Variants in KLF4 observed in about 807,000 individuals in gnomAD.
The protein encoded by KLF4 is Krueppel-like factor 4.
In KLF4, 14 loss-of-function variants were observed where a neutral mutation model predicts 38.0. The ratio of observed to expected loss-of-function variants is 0.37; its 90% CI spans 0.24 to 0.58. KLF4 has a LOEUF of 0.58. Ranked by LOEUF, KLF4 falls within the 20% of genes least tolerant of loss-of-function variation. KLF4 has a pLI of 0.76. For synonymous variants in KLF4, 398 were observed against 302.5 expected (o/e 1.32, Z -3.28); for missense variants, 737 against 670.1 (o/e 1.10, Z -1.10).
In KLF4 at chr9:107,489,458, T is replaced by G; in HGVS notation, c.-286A>C. On this transcript the variant is annotated 5_prime_UTR_variant, in exon 1 of 5. Transcript: ENST00000374672. ...TCCACTCAGCAGCGTCCCCCACCACTGTCGCGGTCGCCTCGAGTGCTGCCG... is the reference window on the plus strand; with the variant it reads ...TCCACTCAGCAGCGTCCCCCACCACGGTCGCGGTCGCCTCGAGTGCTGCCG... 2.9e-6 allele frequency: 1 copy of G among 340,436 alleles called. No homozygotes were observed. Among genetic ancestry groups the G allele is most frequent in the East Asian group, 4.5e-5 (1 of 22,324 alleles). The allele number at this position is 340,436 out of a possible 1,614,324, so 21.1% of individuals were successfully genotyped here. A position where few individuals can be genotyped will look rare whatever the true frequency, so the allele number is the denominator to read the frequency against.
In KLF4 at chr9:107,488,741, G is replaced by C. The variant is rs1216928364; in HGVS notation, c.126+189C>G. Among the ~76,000 whole-genome samples the C allele has an allele frequency of 1.3e-5, 2 of 152,218 alleles. No homozygotes were observed. Among genetic ancestry groups the C allele is most frequent in the African/African-American group, 4.8e-5 (2 of 41,466 alleles). ...GGCTTGCGCCCCAGGCGGCTCCGCAGTGCTCGCACCACGGGCATACACAGC... is the reference window on the plus strand; with the variant it reads ...GGCTTGCGCCCCAGGCGGCTCCGCACTGCTCGCACCACGGGCATACACAGC... On this transcript the variant is annotated intron_variant, in intron 2 of 4. Transcript: ENST00000374672. The surrounding 1 kb of genome is among the most constrained non-coding windows in gnomAD (Gnocchi z 5.7).
At chr9:107,486,769 A>G (rs183319264) in intron 4 of KLF4, among the ~76,000 whole-genome samples, 1 of 152,108 alleles carries the variant, frequency 6.6e-6, no homozygotes, top group Non-Finnish European at 1.5e-5. Flanking sequence ...AAAATTGCAC[A>G]TTCAAACACA....
chr9:107,486,566 A>C (rs971008397), intron 4 of KLF4, among the ~76,000 whole-genome samples: 1 of 151,910 alleles, frequency 6.6e-6, no homozygotes, highest in Non-Finnish European at 1.5e-5. Context: ...ATAAAAAAGT[A>C]AGACCGAATT....
Position 107,487,086 on chromosome 9 carries a change from G to C in KLF4, c.1206C>G (p.Gly402=), listed in dbSNP as rs754863078. ...RTATHTCDYA[G]CGKTYTKSSH... is the part of the protein sequence containing the mutation. ...AACTCTTTGTGTAGGTTTTGCCGCA[G>C]CCCGCGTAATCACAAGTGTGGGTGG... The change falls in exon 4 of 5, where the codon GGC becomes GGG. Residue 402 remains glycine, a synonymous_variant. Transcript: ENST00000374672. This position sits in a 1 kb window ranked among gnomAD's most constrained non-coding sequence, Gnocchi z 6.1. 119 of 1,614,110 alleles carry C rather than the reference G, an allele frequency of 7.4e-5. No individual in the cohort carries two copies. Among genetic ancestry groups the C allele is most frequent in the Non-Finnish European group, 9.7e-5 (115 of 1,180,054 alleles).
Position 107,485,962 on chromosome 9 carries a change from T to C in KLF4, c.1265-36A>G. 1.9e-6 allele frequency: 3 copies of C among 1,586,374 alleles called. No individual in the cohort carries two copies. The highest frequency in any genetic ancestry group is 2.6e-6 in the Non-Finnish European group (3 of 1,168,182). On this transcript the variant is annotated intron_variant, in intron 4 of 4. Coordinates refer to ENST00000374672, the MANE Select transcript of KLF4 (RefSeq NM_004235.6). The surrounding 1 kb of genome is among the most constrained non-coding windows in gnomAD (Gnocchi z 4.9). ...AAAAGAAAAAAAAAATTGACGCTAT[T>C]GCTATATCAAAGAATCGCCCCTTTT...
rs1280573011 is a variant in KLF4, at chr9:107,489,239, CG to C, written c.-68del. The C allele has an allele frequency of 7.0e-7, 1 of 1,433,066 alleles. No homozygotes were observed. Among genetic ancestry groups the C allele is most frequent in the Non-Finnish European group, 9.2e-7 (1 of 1,090,104 alleles). The allele number at this position is 1,433,066 out of a possible 1,614,324, so 88.8% of individuals were successfully genotyped here. On this transcript the variant is annotated 5_prime_UTR_variant, in exon 1 of 5. Coordinates refer to ENST00000374672, the MANE Select transcript of KLF4 (RefSeq NM_004235.6). The stretch of plus-strand genomic sequence containing the variant: ...TGGGGCACCTGAACCCCAAAGTCAA[CG>C]AAGAGAAGAAACGAAGCCAAAACCC...
rs1257998100 is a variant in KLF4, at chr9:107,488,450, G to A, written c.127-183C>T. Reference sequence around the variant, plus strand: ...CGGCCCACTCCCGGGTCGAAGAAGAGGTGATGCGTCTGTATTGCGGGTGTT... The same window carrying A: ...CGGCCCACTCCCGGGTCGAAGAAGAAGTGATGCGTCTGTATTGCGGGTGTT... On this transcript the variant is annotated intron_variant, in intron 2 of 4. Transcript: ENST00000374672. The surrounding 1 kb of genome is among the most constrained non-coding windows in gnomAD (Gnocchi z 5.7). 3.8e-5 allele frequency: 41 copies of A among 1,075,784 alleles called. No homozygotes were observed. Among genetic ancestry groups the A allele is most frequent in the Non-Finnish European group, 4.5e-5 (35 of 772,866 alleles). 66.6% of individuals were successfully genotyped at this position (1,075,784 alleles called of 1,614,324 possible).
chr9:107,487,834 A>T lies in KLF4; in HGVS notation c.560T>A (p.Leu187Gln). Residue 187 changes from leucine (L) to glutamine (Q), a missense_variant, in exon 3 of 5, where the codon CTG (leucine) becomes CAG (glutamine). Leu to Gln is a moderately radical substitution (Grantham distance 113). This residue lies in a region of KLF4 where 695 missense variants were observed against 554.5 expected (regional missense o/e 1.25). Transcript: ENST00000374672. This position sits in a 1 kb window ranked among gnomAD's most constrained non-coding sequence, Gnocchi z 6.1. ...SAPPPTAPFN[L>Q]ADINDVSPSG... Reference sequence around the variant, plus strand: ...GGGGCTCACGTCGTTGATGTCCGCCAGGTTGAAGGGAGCCGTCGGAGGGGG... The same window carrying T: ...GGGGCTCACGTCGTTGATGTCCGCCTGGTTGAAGGGAGCCGTCGGAGGGGG... 6.5e-7 allele frequency: 1 copy of T among 1,528,590 alleles called. No individual in the cohort carries two copies. Among genetic ancestry groups the T allele is most frequent in the Non-Finnish European group, 8.8e-7 (1 of 1,135,772 alleles). 94.7% of individuals were successfully genotyped at this position (1,528,590 alleles called of 1,614,324 possible).
rs1357051273 is a variant in KLF4 at position 107,488,248 on chromosome 9, G to C, written c.146C>G (p.Ser49Cys). Residue 49 changes from serine to cysteine, a missense_variant, in exon 3 of 5, where the codon TCC becomes TGC. Ser to Cys is a moderately radical substitution (Grantham distance 112). This residue lies in a region of KLF4 where 695 missense variants were observed against 554.5 expected (regional missense o/e 1.25). Transcript: ENST00000374672. The surrounding 1 kb of genome is among the most constrained non-coding windows in gnomAD (Gnocchi z 5.7). ...CACTGGGGGAAGTCGCTTCATGTGGGAGAGCTCCTCCCGCCAGCGCTGCGG... is the reference window on the plus strand; with the variant it reads ...CACTGGGGGAAGTCGCTTCATGTGGCAGAGCTCCTCCCGCCAGCGCTGCGG... ...APNNRWREEL[S>C]HMKRLPPVLP... 1.2e-6 allele frequency: 2 copies of C among 1,607,346 alleles called. No individual in the cohort carries two copies. Among genetic ancestry groups the C allele is most frequent in the South Asian group, 1.1e-5 (1 of 90,780 alleles).
rs45596731 is a variant in KLF4, at chr9:107,487,134, T to A, written c.1158A>T (p.Arg386=). The change falls in exon 4 of 5, where the codon CGA becomes CGT. Residue 386 remains arginine (R), a synonymous_variant. Coordinates refer to ENST00000374672, the MANE Select transcript of KLF4 (RefSeq NM_004235.6). This position sits in a 1 kb window ranked among gnomAD's most constrained non-coding sequence, Gnocchi z 6.1. ...PEEPKPKRGR[R]SWPRKRTATH... ...TGGCGGTCCTTTTCCGGGGCCACGA[T>A]CGTCTTCCCCTCTTTGGCTTGGGCT... 1 of 1,614,144 alleles carries A rather than the reference T, an allele frequency of 6.2e-7. No homozygotes were observed.
chr9:107,485,624 G>A lies in KLF4; in HGVS notation c.*127C>T. The stretch of plus-strand genomic sequence containing the variant: ...GATTATCCACTCACAAGATGACTCA[G>A]TTGGGAACTTGACCATGATTGTAGT... On this transcript the variant is annotated 3_prime_UTR_variant, in exon 5 of 5. Transcript: ENST00000374672. This position sits in a 1 kb window ranked among gnomAD's most constrained non-coding sequence, Gnocchi z 4.9. 4 of 916,396 alleles carry A rather than the reference G, an allele frequency of 4.4e-6. No homozygotes were observed. The highest frequency in any genetic ancestry group is 5.9e-5 in the Admixed American group (2 of 34,056). The allele number at this position is 916,396 out of a possible 1,614,324, so 56.8% of individuals were successfully genotyped here. A position where few individuals can be genotyped will look rare whatever the true frequency, so the allele number is the denominator to read the frequency against.
Position 107,489,266 on chromosome 9 carries a change from A to C in KLF4, c.-94T>G, listed in dbSNP as rs1829148451. On this transcript the variant is annotated 5_prime_UTR_variant, in exon 1 of 5. Transcript: ENST00000374672. ...AAGAGAAGAAACGAAGCCAAAACCC[A>C]AAACCCCAAATTGGCCGAGATCCTT... The C allele has an allele frequency of 7.1e-7, 1 of 1,401,224 alleles. No homozygotes were observed. The highest frequency in any genetic ancestry group is 9.4e-7 in the Non-Finnish European group (1 of 1,069,274). The allele number at this position is 1,401,224 out of a possible 1,614,324, so 86.8% of individuals were successfully genotyped here.
At chr9:107,486,313 G>C (rs1199097269) in intron 4 of KLF4, among the ~76,000 whole-genome samples, 1 of 151,954 alleles carries the variant, frequency 6.6e-6, no homozygotes, top group Non-Finnish European at 1.5e-5. Flanking sequence ...TTCCTACTAC[G>C]ACTGGGGATA....
Position 107,489,323 on chromosome 9 carries a change from CT to C in KLF4, c.-152del, listed in dbSNP as rs1227860552. Reference sequence around the variant, plus strand: ...TGGATTAAATATAACTTGGAAGCGTCTTTTTTAAAAAGTTCCTTTGTATACA... The same window carrying C: ...TGGATTAAATATAACTTGGAAGCGTCTTTTTAAAAAGTTCCTTTGTATACA... On this transcript the variant is annotated 5_prime_UTR_variant, in exon 1 of 5. Transcript: ENST00000374672. The C allele has an allele frequency of 6.3e-6, 7 of 1,113,056 alleles. No individual in the cohort carries two copies. The highest frequency in any genetic ancestry group is 7.0e-5 in the Admixed American group (2 of 28,664). The allele number at this position is 1,113,056 out of a possible 1,614,324, so 68.9% of individuals were successfully genotyped here.
At position 107,487,292 on chromosome 9, in the gene KLF4, G is replaced by C. The variant is rs765190582; in HGVS notation, c.1099+3C>G. On this transcript the variant is annotated splice_donor_region_variant and intron_variant, in intron 3 of 4. Transcript: ENST00000374672. This position sits in a 1 kb window ranked among gnomAD's most constrained non-coding sequence, Gnocchi z 6.1. ...GCCCGAGCTACAAATCCCCGGGACT[G>C]ACCTTGGTAATGGAGCGGCGGGACT... 6 of 1,588,658 alleles carry C rather than the reference G, an allele frequency of 3.8e-6. No individual in the cohort carries two copies. Among genetic ancestry groups the C allele is most frequent in the Non-Finnish European group, 3.4e-6 (4 of 1,166,606 alleles).
In KLF4 at chr9:107,489,635, G is replaced by A. The variant is rs1169820319; in HGVS notation, c.-463C>T. 1.2e-5 allele frequency: 2 copies of A among 165,214 alleles called. No individual in the cohort carries two copies. The highest frequency in any genetic ancestry group is 5.7e-5 in the African/African-American group (2 of 35,088). The allele number at this position is 165,214 out of a possible 1,614,324, so 10.2% of individuals were successfully genotyped here. ...CGCGCGGCCATGGGCGCGGGCCACG[G>A]GCGGGTGGGAGGGTGGGGGGCCAGA... On this transcript the variant is annotated 5_prime_UTR_variant, in exon 1 of 5. Transcript: ENST00000374672.
At chr9:107,486,571 C>T (rs187818000) in intron 4 of KLF4, among the ~76,000 whole-genome samples, 8 of 151,730 alleles carry the variant, frequency 5.3e-5, no homozygotes, top group East Asian at 1.9e-4. Context: ...AAAGTAAGAC[C>T]GAATTGTTAC....
Position 107,487,649 on chromosome 9 carries a change from T to C in KLF4, c.745A>G (p.Ser249Gly), listed in dbSNP as rs746813034. The change falls in exon 3 of 5, where the codon AGC (serine) becomes GGC (glycine). Residue 249 changes from serine (S) to glycine (G), a missense_variant. By Grantham distance (56) the Ser-to-Gly change is moderately conservative. Coordinates refer to ENST00000374672, the MANE Select transcript of KLF4 (RefSeq NM_004235.6). This position sits in a 1 kb window ranked among gnomAD's most constrained non-coding sequence, Gnocchi z 6.1. ...GSEYGSPSVI[S>G]VSKGSPDGSH... The stretch of plus-strand genomic sequence containing the variant: ...CCGTCAGGGCTGCCTTTGCTGACGC[T>C]GATGACCGACGGGCTGCCGTACTCG... The C allele has an allele frequency of 6.3e-7, 1 of 1,590,910 alleles. No homozygotes were observed. The highest frequency in any genetic ancestry group is 8.6e-7 in the Non-Finnish European group (1 of 1,167,090).
intron 4 of KLF4, among the ~76,000 whole-genome samples, chr9:107,486,543 CAAAAAAT>C (rs994675680): frequency 6.0e-5 from 9 of 150,984 alleles, no homozygotes; most frequent in African/African-American, 1.7e-4. Flanking sequence ...TCAAAACGAA[CAAAAAAT>C]AAAAAATAAA....
Sources: gnomAD v4.1 joint callset for allele counts (sites outside exome capture counted in the v4.1 genomes callset) on GRCh38, gnomAD v4.1.1 for gene constraint, gnomAD v4.1.1 regional missense constraint, Gnocchi (gnomAD v3.1) non-coding constraint, MANE v1.5 for transcripts, NCBI Gene and HGNC (gene_info 2026-07-23, HGNC 2026-07-21) for gene names.